SEMA3A: variants seen among roughly 807,000 people sequenced by gnomAD.
SEMA3A encodes semaphorin 3A, also known as semaphorin-3A.
Under a neutral mutation model 97.9 loss-of-function variants are expected in SEMA3A, and 29 were observed. The observed-to-expected ratio is 0.30, with a 90% CI of 0.22 to 0.40. The LOEUF is 0.40. SEMA3A is among the 10% of genes least tolerant of loss of function. The pLI is 1.00. For missense variants in SEMA3A, 763 were observed against 951.3 expected (o/e 0.80, Z 2.60); for synonymous variants, 321 against 323.7 (o/e 0.99, Z 0.09).
At chr7:84,481,268 C>CT (rs1409403098) in intron 1 of SEMA3A, among the ~76,000 whole-genome samples, 1 of 152,116 alleles carries the variant, frequency 6.6e-6, no homozygotes, top group Non-Finnish European at 1.5e-5. Flanking sequence ...CTACCCTCAC[C>CT]TTTTGCATGT....
chr7:84,469,682 T>C (rs548268621), intron 1 of SEMA3A, among the ~76,000 whole-genome samples: 3 of 152,140 alleles, frequency 2.0e-5, no homozygotes, highest in Admixed American at 6.5e-5. Flanking sequence ...TTGAAGAAAG[T>C]AAAATCATTC....
intron 3 of SEMA3A, among the ~76,000 whole-genome samples, chr7:84,116,000 A>G (rs914631932): frequency 1.3e-5 from 2 of 152,324 alleles, no homozygotes; most frequent in South Asian, 2.1e-4. Context: ...ATCATTACAC[A>G]TAAAAGAGAG....
At chr7:84,470,377 G>A (rs1458491228) in intron 1 of SEMA3A, among the ~76,000 whole-genome samples, 3 of 152,024 alleles carry the variant, frequency 2.0e-5, no homozygotes, top group Non-Finnish European at 2.9e-5. Flanking sequence ...TTTGAACTAA[G>A]CTATATGATG....
chr7:84,109,421 G>A (rs532186854), intron 4 of SEMA3A, among the ~76,000 whole-genome samples: 1 of 152,212 alleles, frequency 6.6e-6, no homozygotes, highest in East Asian at 1.9e-4. Flanking sequence ...TGTCTTCCCT[G>A]GTTCATCAAG....
At chr7:84,021,373 T>C (rs1362630142) in intron 6 of SEMA3A, among the ~76,000 whole-genome samples, 1 of 152,232 alleles carries the variant, frequency 6.6e-6, no homozygotes, top group Non-Finnish European at 1.5e-5. Context: ...TGCCCTATAT[T>C]TCTCCCTCTC....
In SEMA3A at chr7:84,027,181, C is replaced by G. The variant is rs577013382; in HGVS notation, c.668-12830G>C. Among the ~76,000 whole-genome samples the G allele has an allele frequency of 9.9e-5, 15 of 152,254 alleles. No individual in the cohort carries two copies. The East Asian group carries it at 2.9e-3, about 29-fold the overall frequency. ...AGCAAATTCAGATGCCTTTAAAAGACATGCAATGTCTCTGCTACCTAGTCC... is the reference window on the plus strand; with the variant it reads ...AGCAAATTCAGATGCCTTTAAAAGAGATGCAATGTCTCTGCTACCTAGTCC... On this transcript the variant is annotated intron_variant, in intron 6 of 16. Transcript: ENST00000265362.
intron 1 of SEMA3A, among the ~76,000 whole-genome samples, chr7:84,458,643 C>T (rs569482118): frequency 1.3e-5 from 2 of 151,942 alleles, no homozygotes; most frequent in African/African-American, 4.8e-5. Context: ...AATCCTCCCA[C>T]CTCTCTGCCT....
intron 2 of SEMA3A, among the ~76,000 whole-genome samples, chr7:84,318,467 C>T (rs932119814): frequency 2.0e-5 from 3 of 150,296 alleles, no homozygotes. Context: ...GGACTACAGG[C>T]GCCCGCCACT....
At chr7:84,102,471 C>G (rs1794985390) in intron 4 of SEMA3A, among the ~76,000 whole-genome samples, 1 of 151,826 alleles carries the variant, frequency 6.6e-6, no homozygotes, top group African/African-American at 2.4e-5. Flanking sequence ...CTATGCAGAC[C>G]AAATGTGCTA....
chr7:84,160,315 A>G (rs1796991312), intron 1 of SEMA3A, among the ~76,000 whole-genome samples: 1 of 151,904 alleles, frequency 6.6e-6, no homozygotes, highest in South Asian at 2.1e-4. Flanking sequence ...GTTCTATCAT[A>G]CCCTTTATAT....
rs892868767 is a variant in SEMA3A, at chr7:84,319,122, A to G, written c.-168-11830T>C. On this transcript the variant is annotated intron_variant, in intron 2 of 3. Coordinates refer to the SEMA3A transcript ENST00000424555. ...GAGTTTGTTATTTTAAATTCACTGT[A>G]CAGGTAAGAAAATGGAGGGAGAGAA... Among the ~76,000 whole-genome samples the G allele has an allele frequency of 2.2e-4, 33 of 152,334 alleles. 1 individual carries two copies. Among genetic ancestry groups the G allele is most frequent in the Admixed American group, 7.2e-4 (11 of 15,304 alleles).
At chr7:84,379,557 A>G (rs1374255876) in intron 1 of SEMA3A, among the ~76,000 whole-genome samples, 2 of 152,210 alleles carry the variant, frequency 1.3e-5, no homozygotes, top group Non-Finnish European at 1.5e-5. Context: ...TCTATAAAAC[A>G]TATGAACATA....
chr7:84,270,562 T>C (rs546006363), intron 3 of SEMA3A, among the ~76,000 whole-genome samples: 114 of 147,824 alleles, frequency 7.7e-4, no homozygotes, highest in African/African-American at 2.6e-3. Flanking sequence ...TATATAATTA[T>C]GAATAATTCA....
chr7:84,096,490 T>C (rs1409211447), intron 4 of SEMA3A, among the ~76,000 whole-genome samples: 3 of 152,094 alleles, frequency 2.0e-5, no homozygotes. Context: ...GTTATGAGTA[T>C]ACAAAAATTT....
intron 2 of SEMA3A, among the ~76,000 whole-genome samples, chr7:84,343,403 T>C (rs1802219433): frequency 6.6e-6 from 1 of 152,182 alleles, no homozygotes; most frequent in Non-Finnish European, 1.5e-5. Flanking sequence ...GTGGACCATA[T>C]GGAAAATTAA....
At chr7:83,996,627 A>AAAAC (rs1378646957) in intron 12 of SEMA3A, among the ~76,000 whole-genome samples, 1 of 152,184 alleles carries the variant, frequency 6.6e-6, no homozygotes, top group Non-Finnish European at 1.5e-5. Flanking sequence ...ATTTTAAAAC[A>AAAAC]AAACACTTTT....
At chr7:84,136,467 C>T (rs1001764161) in intron 1 of SEMA3A, among the ~76,000 whole-genome samples, 1 of 152,264 alleles carries the variant, frequency 6.6e-6, no homozygotes, top group East Asian at 1.9e-4. Flanking sequence ...CTCTATCATG[C>T]GGGAAACCAT....
intron 1 of SEMA3A, among the ~76,000 whole-genome samples, chr7:84,425,305 A>G (rs1804773118): frequency 8.4e-6 from 1 of 118,472 alleles, no homozygotes; most frequent in African/African-American, 3.6e-5. Flanking sequence ...TTATATAAAT[A>G]TATAATATAA....
chr7:83,993,975 T>C (rs1377868203), intron 12 of SEMA3A, among the ~76,000 whole-genome samples: 2 of 126,670 alleles, frequency 1.6e-5, no homozygotes, highest in African/African-American at 6.0e-5. Context: ...GATTTGGTCT[T>C]TTCACATAGT....
Sources: gnomAD v4.1 joint callset for allele counts (sites outside exome capture counted in the v4.1 genomes callset) on GRCh38, gnomAD v4.1.1 for gene constraint, MANE v1.5 for transcripts, NCBI Gene and HGNC (gene_info 2026-07-23, HGNC 2026-07-21) for gene names.